PARP6: variants seen among roughly 807,000 people sequenced by gnomAD.
PARP6 encodes the protein protein mono-ADP-ribosyltransferase PARP6.
In PARP6, 27 loss-of-function variants were observed where a neutral mutation model predicts 92.0. The ratio of observed to expected loss-of-function variants is 0.29; its 90% CI spans 0.22 to 0.40. The LOEUF (loss-of-function observed/expected upper bound fraction) is 0.40, where lower values mean the gene tolerates loss of function less well. PARP6 is among the 10% of genes least tolerant of loss of function. The pLI is 1.00. For synonymous variants in PARP6, 272 were observed against 281.2 expected, an observed-to-expected ratio of 0.97 and a Z score of 0.33; for missense variants, 501 against 784.5, an observed-to-expected ratio of 0.64 and a Z score of 4.32.
chr15:72,263,273 T>C (rs1361056258), intron 8 of PARP6, among the ~76,000 whole-genome samples: 4 of 152,218 alleles, frequency 2.6e-5, no homozygotes, highest in Non-Finnish European at 4.4e-5. Flanking sequence ...TCTTCAAGTC[T>C]TATTGATTTT....
At chr15:72,254,627 A>G (rs2084823236) in intron 14 of PARP6, 107 bp from the exon 15 acceptor site, 1 of 758,532 alleles carries the variant, frequency 1.3e-6, no homozygotes. Context: ...GCCCTAGGAA[A>G]CAATAGTATG....
At chr15:72,251,157 C>T in intron 17 of PARP6, 50 bp downstream of exon 17, 1 of 1,280,540 alleles carries the variant, frequency 7.8e-7, no homozygotes, top group Non-Finnish European at 1.1e-6. Flanking sequence ...CAGCCCCTCC[C>T]TGCCCCTCAC....
At chr15:72,254,611 G>T in intron 14 of PARP6, 91 bp from the exon 15 acceptor site, 1 of 922,634 alleles carries the variant, frequency 1.1e-6, no homozygotes, top group Non-Finnish European at 1.7e-6. Context: ...TACCAAAAAA[G>T]TCTAGGCCCT....
At chr15:72,252,778 C>T (rs746562291) in intron 16 of PARP6, among the ~76,000 whole-genome samples, 3 of 152,146 alleles carry the variant, frequency 2.0e-5, no homozygotes, top group Non-Finnish European at 4.4e-5. Context: ...AGCCACTGCA[C>T]CCGGCCCTGT....
At chr15:72,261,423 C>G in intron 9 of PARP6, 135 bp downstream of exon 9, 1 of 758,090 alleles carries the variant, frequency 1.3e-6, no homozygotes, top group South Asian at 1.6e-5. Flanking sequence ...GGAACAGGAC[C>G]ATGTGAGTGG....
In PARP6 at chr15:72,267,383, A is replaced by C. The variant is rs2086739193; in HGVS notation, c.3+92T>G. The C allele has an allele frequency of 5.1e-6, 7 of 1,370,942 alleles. No homozygotes were observed. In the South Asian group the frequency reaches 8.1e-5, roughly 16 times the overall value. 84.9% of individuals were successfully genotyped at this position (1,370,942 alleles called of 1,614,324 possible). Reference sequence around the variant, plus strand: ...TAGCCACTCTATCTTCCAAAAGGGTAGAAGGGAAAATACCAAGAAAGGGTG... The same window carrying C: ...TAGCCACTCTATCTTCCAAAAGGGTCGAAGGGAAAATACCAAGAAAGGGTG... On this transcript the variant is annotated intron_variant, in intron 3 of 23. Transcript: ENST00000569795.
intron 8 of PARP6, among the ~76,000 whole-genome samples, chr15:72,262,446 T>A (rs756438969): frequency 3.3e-5 from 5 of 152,190 alleles, no homozygotes; most frequent in Non-Finnish European, 7.3e-5. Flanking sequence ...TTTGATTGCC[T>A]TTTTAGGGAC....
chr15:72,262,496 T>C (rs2086025376), intron 8 of PARP6, among the ~76,000 whole-genome samples: 1 of 152,142 alleles, frequency 6.6e-6, no homozygotes, highest in African/African-American at 2.4e-5. Context: ...TCAGTTCCTT[T>C]CCCAAAGTCA....
chr15:72,249,182 A>T (rs1567175329), intron 20 of PARP6, 63 bp downstream of exon 20: 3 of 917,554 alleles, frequency 3.3e-6, no homozygotes, highest in Non-Finnish European at 5.3e-6. Context: ...GACAGCACAA[A>T]TCATGTATTC....
intron 11 of PARP6, among the ~76,000 whole-genome samples, chr15:72,258,495 G>A (rs934756493): frequency 4.6e-5 from 7 of 152,102 alleles, no homozygotes; most frequent in African/African-American, 1.4e-4. Flanking sequence ...TGTCCATGAA[G>A]GCATTTTAAA....
intron 2 of PARP6, among the ~76,000 whole-genome samples, chr15:72,268,003 C>T (rs1397069084): frequency 6.6e-6 from 1 of 152,228 alleles, no homozygotes; most frequent in Admixed American, 6.5e-5. Context: ...CTACCGGCCT[C>T]GGCCTCCCAA....
chr15:72,254,348 A>G (rs1382883646), intron 15 of PARP6, 107 bp downstream of exon 15: 2 of 752,058 alleles, frequency 2.7e-6, no homozygotes, highest in Non-Finnish European at 4.6e-6. Flanking sequence ...AAAAAAATAC[A>G]GTGCGTAGCA....
chr15:72,268,848 T>C (rs2086966707), intron 2 of PARP6, among the ~76,000 whole-genome samples: 4 of 152,184 alleles, frequency 2.6e-5, no homozygotes, highest in Admixed American at 2.6e-4. Context: ...GAAAAACTTT[T>C]ACTTAACCCA....
In PARP6 at chr15:72,265,040, C is replaced by G. The variant is rs781240677; in HGVS notation, c.328+41G>C. ...GTTAACTTAGGGCTTTGGATTAGAC[C>G]ACACTCAGACCACCCACTTGCCCAA... On this transcript the variant is annotated intron_variant, in intron 7 of 23. Coordinates refer to ENST00000569795, the MANE Select transcript of PARP6 (RefSeq NM_001323532.2). 11 of 1,332,300 alleles carry G rather than the reference C, an allele frequency of 8.3e-6. 1 individual carries two copies. In the South Asian group the frequency reaches 1.2e-4, roughly 14 times the overall value. The allele number at this position is 1,332,300 out of a possible 1,614,324, so 82.5% of individuals were successfully genotyped here.
At chr15:72,271,460 A>C (rs1001323647) in intron 1 of PARP6, among the ~76,000 whole-genome samples, 173 bp from the exon 2 acceptor site, 1 of 152,202 alleles carries the variant, frequency 6.6e-6, no homozygotes, top group African/African-American at 2.4e-5. Context: ...AAAGGTGAAG[A>C]GTTGGAAAAG....
chr15:72,250,822 TG>T, intron 18 of PARP6, 22 bp downstream of exon 18: 1 of 623,714 alleles, frequency 1.6e-6, no homozygotes, highest in South Asian at 1.5e-5. Flanking sequence ...CCACCCCCAC[TG>T]CCCAGCCCCC....
intron 8 of PARP6, among the ~76,000 whole-genome samples, chr15:72,262,848 T>C (rs746787103): frequency 7.2e-5 from 11 of 152,218 alleles, no homozygotes; most frequent in Non-Finnish European, 1.5e-4. Flanking sequence ...GCTGGTTTCT[T>C]TGGGATTTCA....
chr15:72,260,412 C>G, intron 10 of PARP6, 66 bp downstream of exon 10: 1 of 1,328,392 alleles, frequency 7.5e-7, no homozygotes, highest in Non-Finnish European at 1.1e-6. Flanking sequence ...TTTTGAGAAA[C>G]TACACTCCCA....
At chr15:72,256,379 C>G in intron 14 of PARP6, 86 bp downstream of exon 14, 1 of 1,137,026 alleles carries the variant, frequency 8.8e-7, no homozygotes, top group Non-Finnish European at 1.2e-6. Context: ...ATTCCAAGCC[C>G]TGTATATACC....
Sources: gnomAD v4.1 joint callset for allele counts (sites outside exome capture counted in the v4.1 genomes callset) on GRCh38, gnomAD v4.1.1 for gene constraint, MANE v1.5 for transcripts, NCBI Gene and HGNC (gene_info 2026-07-23, HGNC 2026-07-21) for gene names.